Variants in PTPRN2 observed in about 807,000 individuals in gnomAD.
PTPRN2 encodes protein tyrosine phosphatase receptor type N2.
Under a neutral mutation model 118.8 loss-of-function variants are expected in PTPRN2, and 74 were observed. The ratio of observed to expected loss-of-function variants is 0.62; its 90% CI spans 0.52 to 0.76. The LOEUF (loss-of-function observed/expected upper bound fraction) is 0.76. Among genes scored for constraint, PTPRN2 ranks in the 30% least tolerant of loss-of-function variants. The pLI, the probability that PTPRN2 is intolerant of heterozygous loss-of-function variation, is 0.00. For missense variants in PTPRN2, 1,481 were observed against 1,394.4 expected (o/e 1.06, Z -0.99); for synonymous variants, 641 against 608.0 (o/e 1.05, Z -0.80).
chr7:157,633,309 A>AT (rs1804080208), intron 14 of PTPRN2, among the ~76,000 whole-genome samples: 1 of 151,888 alleles, frequency 6.6e-6, no homozygotes, highest in Admixed American at 6.6e-5. Flanking sequence ...CGAAAACGAA[A>AT]TTTTTGTATT....
rs1029590547 is a variant in PTPRN2 at position 158,529,025 on chromosome 7, A to C, written c.113-39240T>G. On this transcript the variant is annotated intron_variant, in intron 1 of 22. Transcript: ENST00000389418. The surrounding 1 kb of genome is among the most constrained non-coding windows in gnomAD (Gnocchi z 4.7). The stretch of plus-strand genomic sequence containing the variant: ...AGTCAGCCTGGCCTTCGAGCCCACC[A>C]AGGGGCTTTGGGATCACACAGCCAG... Among the ~76,000 whole-genome samples, 1 of 151,754 alleles carries C rather than the reference A, an allele frequency of 6.6e-6. No individual in the cohort carries two copies. The highest frequency in any genetic ancestry group is 2.4e-5 in the African/African-American group (1 of 41,010).
intron 2 of PTPRN2, among the ~76,000 whole-genome samples, chr7:158,488,863 G>A (rs1821225436): frequency 6.6e-6 from 1 of 152,274 alleles, no homozygotes. Flanking sequence ...CTGACTTGGA[G>A]AAAGGCGGCT....
intron 11 of PTPRN2, among the ~76,000 whole-genome samples, chr7:157,972,084 C>A (rs1447458723): frequency 6.6e-6 from 1 of 152,168 alleles, no homozygotes. Flanking sequence ...CATTCAGCAG[C>A]AGAATTTTTC....
intron 12 of PTPRN2, among the ~76,000 whole-genome samples, chr7:157,839,011 A>T (rs1367153769): frequency 1.3e-5 from 2 of 149,894 alleles, no homozygotes; most frequent in Non-Finnish European, 3.0e-5. Context: ...TGGCTACTCC[A>T]GTTCCTCTCG....
chr7:157,705,299 CCAAAA>C (rs372000528), intron 12 of PTPRN2, among the ~76,000 whole-genome samples: 4 of 152,114 alleles, frequency 2.6e-5, no homozygotes, highest in African/African-American at 4.8e-5. Context: ...GAGTGAGACT[CCAAAA>C]CAAAACAAAA....
rs913272384 is a variant in PTPRN2 at position 157,587,742 on chromosome 7, C to A, written c.2496+7496G>T. ...GAGCTGTTTCGTGTCTGACTCTGTC[C>A]TGAAAGGCAGCCTGTTCATCAGACA... On this transcript the variant is annotated intron_variant, in intron 17 of 22. Coordinates refer to ENST00000389418, the MANE Select transcript of PTPRN2 (RefSeq NM_002847.5). The surrounding 1 kb of genome is among the most constrained non-coding windows in gnomAD (Gnocchi z 5.3). 2.0e-5 allele frequency among the ~76,000 whole-genome samples: 3 copies of A among 152,250 alleles called. No individual in the cohort carries two copies. The highest frequency in any genetic ancestry group is 2.0e-4 in the Admixed American group (3 of 15,288).
chr7:158,166,370 C>T (rs74674657), intron 6 of PTPRN2, among the ~76,000 whole-genome samples: 288 of 28,636 alleles, frequency 0.01, 68 homozygotes, highest in East Asian at 0.017. Flanking sequence ...CACTGGCCGC[C>T]GCGTTCCCTG....
intron 11 of PTPRN2, among the ~76,000 whole-genome samples, chr7:157,982,931 C>CT (rs1803416032): frequency 7.2e-6 from 1 of 138,420 alleles, no homozygotes; most frequent in Non-Finnish European, 1.6e-5. Flanking sequence ...CAGGTTCCCC[C>CT]CAAACCCCGA....
chr7:158,280,565 T>C (rs1209611121), intron 3 of PTPRN2, among the ~76,000 whole-genome samples: 1 of 152,088 alleles, frequency 6.6e-6, no homozygotes. Flanking sequence ...AGCCCTGAGA[T>C]ACCGGGTGGA....
intron 21 of PTPRN2, among the ~76,000 whole-genome samples, chr7:157,554,990 C>A (rs1008222238): frequency 6.6e-6 from 1 of 151,412 alleles, no homozygotes. Context: ...GTGTGGCGGG[C>A]GTCCCAGTGT....
intron 17 of PTPRN2, among the ~76,000 whole-genome samples, chr7:157,581,932 T>C (rs1233777284): frequency 6.6e-6 from 1 of 152,160 alleles, no homozygotes; most frequent in Non-Finnish European, 1.5e-5. Context: ...AGATGGAGTG[T>C]TGTGGCCACC....
intron 1 of PTPRN2, among the ~76,000 whole-genome samples, chr7:158,510,936 T>C (rs925174080): frequency 6.6e-5 from 10 of 152,228 alleles, no homozygotes; most frequent in Non-Finnish European, 1.5e-4. Context: ...GGAATGTACC[T>C]TCCCAGCCTC....
At chr7:158,443,815 CT>C (rs1019128290) in intron 2 of PTPRN2, among the ~76,000 whole-genome samples, 4 of 152,154 alleles carry the variant, frequency 2.6e-5, no homozygotes, top group African/African-American at 9.7e-5. Flanking sequence ...TCTGGGGGTC[CT>C]TGTCTGGGTG....
chr7:157,817,790 C>T (rs1017645183), intron 12 of PTPRN2, among the ~76,000 whole-genome samples: 2 of 151,964 alleles, frequency 1.3e-5, no homozygotes, highest in African/African-American at 2.4e-5. Flanking sequence ...GTGATGTGTG[C>T]ATGTGTACAT....
chr7:157,827,635 C>T (rs1430798712), intron 12 of PTPRN2, among the ~76,000 whole-genome samples: 3 of 152,216 alleles, frequency 2.0e-5, no homozygotes, highest in Admixed American at 2.0e-4. Context: ...ACAAAGGACC[C>T]CTCCGGCATT....
At chr7:157,922,566 TA>T (rs2128770862) in intron 11 of PTPRN2, among the ~76,000 whole-genome samples, 1 of 140,144 alleles carries the variant, frequency 7.1e-6, no homozygotes, top group Admixed American at 7.7e-5. Flanking sequence ...TTAAACAAGA[TA>T]AATGTTCTCT....
chr7:158,320,923 T>C (rs183766049), intron 2 of PTPRN2, among the ~76,000 whole-genome samples: 1 of 152,094 alleles, frequency 6.6e-6, no homozygotes, highest in Non-Finnish European at 1.5e-5. Flanking sequence ...ATTAAGGAAA[T>C]TTCTAAATAC....
At chr7:158,144,728 A>G (rs924242023) in intron 6 of PTPRN2, among the ~76,000 whole-genome samples, 2 of 152,224 alleles carry the variant, frequency 1.3e-5, no homozygotes, top group African/African-American at 4.8e-5. Flanking sequence ...CGCTTCTCCC[A>G]CCACCCCGAG....
chr7:158,291,022 A>G (rs1441413289), intron 3 of PTPRN2, among the ~76,000 whole-genome samples: 1 of 152,174 alleles, frequency 6.6e-6, no homozygotes, highest in Admixed American at 6.6e-5. Flanking sequence ...GAGGAGGAGG[A>G]GGTCTGCTGA....
Sources: gnomAD v4.1 joint callset for allele counts (sites outside exome capture counted in the v4.1 genomes callset) on GRCh38, gnomAD v4.1.1 for gene constraint, Gnocchi (gnomAD v3.1) non-coding constraint, MANE v1.5 for transcripts, NCBI Gene and HGNC (gene_info 2026-07-23, HGNC 2026-07-21) for gene names.